Variants in RSPH1 observed in about 807,000 individuals in gnomAD.
RSPH1 encodes radial spoke head component 1, also known as radial spoke head 1 homolog.
A neutral mutation model predicts 44.2 loss-of-function variants in RSPH1; 32 were observed. The observed-to-expected ratio is 0.72, with a 90% CI of 0.55 to 0.97. The LOEUF (loss-of-function observed/expected upper bound fraction) is 0.97. Among genes scored for constraint, RSPH1 ranks in the 50% least tolerant of loss-of-function variants. The pLI is 0.00. For missense variants in RSPH1, 391 were observed against 398.7 expected, an observed-to-expected ratio of 0.98 and a Z score of 0.16; for synonymous variants, 134 against 147.3, an observed-to-expected ratio of 0.91 and a Z score of 0.65.
intron 4 of RSPH1, 107 bp from the exon 5 acceptor site, chr21:42,485,911 T>A: frequency 7.2e-7 from 1 of 1,381,748 alleles, no homozygotes; most frequent in Non-Finnish European, 1.0e-6. Context: ...TGTTGCAGGC[T>A]CACAAGCGAT....
At chr21:42,492,237 G>T (rs1340375736) in intron 3 of RSPH1, among the ~76,000 whole-genome samples, 1 of 152,184 alleles carries the variant, frequency 6.6e-6, no homozygotes, top group African/African-American at 2.4e-5. Context: ...AAAGGAAAAA[G>T]AATCCTCCTC....
chr21:42,475,938 C>T lies in RSPH1; in HGVS notation c.837G>A (p.Arg279=), dbSNP rs766003560. The change falls in exon 8 of 9, where the codon CGG becomes CGA. Residue 279 remains arginine (R), a synonymous_variant. Transcript: ENST00000291536. ...EDADVLREES[R]EYDQEEFRYD... Reference sequence around the variant, plus strand: ...AGCGGAACTCCTCCTGGTCATACTCCCGGCTCTCTTCCCGGAGGACGTCTG... The same window carrying T: ...AGCGGAACTCCTCCTGGTCATACTCTCGGCTCTCTTCCCGGAGGACGTCTG... 6.2e-7 allele frequency: 1 copy of T among 1,611,946 alleles called. No homozygotes were observed. The highest frequency in any genetic ancestry group is 1.3e-5 in the African/African-American group (1 of 74,294).
intron 8 of RSPH1, among the ~76,000 whole-genome samples, 163 bp downstream of exon 8, chr21:42,475,735 G>A (rs1223888211): frequency 2.4e-5 from 3 of 125,326 alleles, no homozygotes; most frequent in Non-Finnish European, 3.4e-5. Flanking sequence ...AGGGAGCAAC[G>A]TTCTGAGATG....
At position 42,473,880 on chromosome 21, in the gene RSPH1, C is replaced by G. The variant is rs138749032; in HGVS notation, c.878-1010G>C. ...CCTCCCTCACCAGCCTCCCAAGTCT[C>G]CAGACATTGCCAAATGTCCCCTGGA... On this transcript the variant is annotated intron_variant, in intron 8 of 8. Coordinates refer to ENST00000291536, the MANE Select transcript of RSPH1 (RefSeq NM_080860.4). 5.6e-3 allele frequency among the ~76,000 whole-genome samples: 854 copies of G among 152,268 alleles called. 8 individuals carry two copies. Among genetic ancestry groups the G allele is most frequent in the African/African-American group, 0.019 (789 of 41,542 alleles).
At chr21:42,486,107 T>C (rs2054177953) in intron 4 of RSPH1, 1 of 572,984 alleles carries the variant, frequency 1.7e-6, no homozygotes, top group Non-Finnish European at 3.1e-6. Context: ...CAGTGGCTCT[T>C]CTGTGCCCTC....
chr21:42,492,258 T>G (rs905143221), intron 3 of RSPH1, among the ~76,000 whole-genome samples: 1 of 152,190 alleles, frequency 6.6e-6, no homozygotes, highest in African/African-American at 2.4e-5. Flanking sequence ...AAACATAACA[T>G]TGGCCTGTAA....
At chr21:42,481,901 G>A (rs1364054230) in intron 6 of RSPH1, among the ~76,000 whole-genome samples, 1 of 152,094 alleles carries the variant, frequency 6.6e-6, no homozygotes, top group Non-Finnish European at 1.5e-5. Context: ...GTTAGATATT[G>A]GAAAGGAAAA....
chr21:42,481,849 T>C (rs996391508), intron 6 of RSPH1, among the ~76,000 whole-genome samples: 14 of 152,198 alleles, frequency 9.2e-5, no homozygotes, highest in African/African-American at 3.4e-4. Context: ...CTGACTAGCT[T>C]TACTATTAAC....
chr21:42,480,833 G>A (rs995345939), intron 6 of RSPH1, among the ~76,000 whole-genome samples: 3 of 152,032 alleles, frequency 2.0e-5, no homozygotes, highest in Non-Finnish European at 4.4e-5. Context: ...AGGATCTCCC[G>A]CAGCCTTCCA....
At position 42,472,668 on chromosome 21, in the gene RSPH1, A is replaced by AGT; in HGVS notation, c.*149_*150insAC. On this transcript the variant is annotated 3_prime_UTR_variant, in exon 9 of 9. Coordinates refer to ENST00000291536, the MANE Select transcript of RSPH1 (RefSeq NM_080860.4). Reference sequence around the variant, plus strand: ...ACCCAGGCTGGAGAGCAGTGGCGCGATCTCCACTCACTGCAACTGCCACTT... The same window carrying AGT: ...ACCCAGGCTGGAGAGCAGTGGCGCGAGTTCTCCACTCACTGCAACTGCCACTT... 1 of 587,882 alleles carries AGT rather than the reference A, an allele frequency of 1.7e-6. No homozygotes were observed. The highest frequency in any genetic ancestry group is 3.0e-6 in the Non-Finnish European group (1 of 330,110). 36.4% of individuals were successfully genotyped at this position (587,882 alleles called of 1,614,324 possible). A position where few individuals can be genotyped will look rare whatever the true frequency, so the allele number is the denominator to read the frequency against.
intron 5 of RSPH1, chr21:42,484,924 G>A (rs2054163272): frequency 6.6e-6 from 1 of 152,172 alleles, no homozygotes. Flanking sequence ...AAGAGAGTCT[G>A]AAGAGACTTC....
At chr21:42,494,294 TATAG>T (rs2054265038) in intron 1 of RSPH1, among the ~76,000 whole-genome samples, 1 of 152,204 alleles carries the variant, frequency 6.6e-6, no homozygotes, top group African/African-American at 2.4e-5. Context: ...ATTGGATGTA[TATAG>T]ACTTATTATA....
At chr21:42,472,929 C>A in intron 8 of RSPH1, 59 bp from the exon 9 acceptor site, 2 of 1,242,774 alleles carry the variant, frequency 1.6e-6, no homozygotes, top group Non-Finnish European at 1.2e-6. Flanking sequence ...ATTTTTAAAG[C>A]CTTTATTCAC....
At chr21:42,479,385 C>T (rs2054103075) in intron 6 of RSPH1, among the ~76,000 whole-genome samples, 1 of 152,178 alleles carries the variant, frequency 6.6e-6, no homozygotes, top group South Asian at 2.1e-4. Flanking sequence ...GTAATTCTCT[C>T]TTAGATGTTA....
rs772915587 is a variant in RSPH1 at position 42,493,002 on chromosome 21, G to C, written c.132C>G (p.Tyr44Ter). 1 of 1,614,142 alleles carries C rather than the reference G, an allele frequency of 6.2e-7. No individual in the cohort carries two copies. Among genetic ancestry groups the C allele is most frequent in the Admixed American group, 1.7e-5 (1 of 60,024 alleles). Residue 44 changes from tyrosine (Y) to a stop codon, truncating the protein, a stop_gained, in exon 2 of 9, where the codon TAC becomes TAG. Coordinates refer to ENST00000291536, the MANE Select transcript of RSPH1 (RefSeq NM_080860.4). LOFTEE classifies it high-confidence loss of function. ...GRARLPNGDTYEGSYEFGKRH... is the reference protein window; with the variant it reads ...GRARLPNGDT ...TTTTACCGAATTCGTAGCTCCCTTC[G>C]TAGGTGTCCCCGTTGGGTAGCCGTG... is the stretch of plus-strand genomic sequence containing the variant.
At chr21:42,494,086 A>C (rs916587130) in intron 1 of RSPH1, among the ~76,000 whole-genome samples, 2 of 152,196 alleles carry the variant, frequency 1.3e-5, no homozygotes, top group African/African-American at 4.8e-5. Flanking sequence ...AAAAAATGTG[A>C]TCAAAGCTTG....
At chr21:42,495,579 C>T (rs568857782) in intron 1 of RSPH1, among the ~76,000 whole-genome samples, 1 of 152,320 alleles carries the variant, frequency 6.6e-6, no homozygotes. Context: ...CTCCAAAGAC[C>T]TGGGTCAGTT....
chr21:42,491,204 C>T (rs965031395), intron 3 of RSPH1, among the ~76,000 whole-genome samples: 1 of 152,106 alleles, frequency 6.6e-6, no homozygotes, highest in Admixed American at 6.5e-5. Context: ...TGGGTACCCT[C>T]CGGATCCACA....
At chr21:42,484,194 A>C (rs950101032) in intron 5 of RSPH1, among the ~76,000 whole-genome samples, 1 of 152,212 alleles carries the variant, frequency 6.6e-6, no homozygotes, top group Non-Finnish European at 1.5e-5. Flanking sequence ...TTTTACCCAT[A>C]AGATTGGAAA....
Sources: gnomAD v4.1 joint callset for allele counts (sites outside exome capture counted in the v4.1 genomes callset) on GRCh38, gnomAD v4.1.1 for gene constraint, MANE v1.5 for transcripts, NCBI Gene and HGNC (gene_info 2026-07-23, HGNC 2026-07-21) for gene names.